Variants in CRACD observed in about 807,000 individuals in gnomAD.
The protein encoded by CRACD is capping protein inhibiting regulator of actin dynamics, also known as capping protein-inhibiting regulator of actin dynamics.
In CRACD, 56 loss-of-function variants were observed where a neutral mutation model predicts 106.8. The ratio of observed to expected loss-of-function variants is 0.52; its 90% CI spans 0.42 to 0.66. CRACD has a LOEUF of 0.66. Ranked by LOEUF, CRACD falls within the 30% of genes least tolerant of loss-of-function variation. The pLI is 0.00. For missense variants in CRACD, 1,730 were observed against 1,623.2 expected (o/e 1.07, Z -1.13); for synonymous variants, 754 against 670.8 (o/e 1.12, Z -1.92).
intron 1 of CRACD, among the ~76,000 whole-genome samples, chr4:56,122,602 T>C (rs894058084): frequency 6.6e-6 from 1 of 152,222 alleles, no homozygotes; most frequent in African/African-American, 2.4e-5. Flanking sequence ...ACTTGTTTCA[T>C]GGATGCACTT....
intron 2 of CRACD, among the ~76,000 whole-genome samples, chr4:56,183,061 C>T (rs1182715591): frequency 5.9e-5 from 9 of 151,448 alleles, no homozygotes; most frequent in African/African-American, 1.7e-4. Flanking sequence ...GGAGAAACCC[C>T]GTCTCTACTA....
At chr4:56,300,366 A>G (rs1744298861) in intron 4 of CRACD, among the ~76,000 whole-genome samples, 1 of 258 alleles carries the variant, frequency 3.9e-3, no homozygotes, top group African/African-American at 0.022. Flanking sequence ...TCCTGCCCTC[A>G]GGGCCAACCC....
chr4:56,294,913 CAAAAA>C (rs56200534), intron 3 of CRACD, among the ~76,000 whole-genome samples: 3 of 72,166 alleles, frequency 4.2e-5, no homozygotes, highest in African/African-American at 6.0e-5. Context: ...GACCTTGTCT[CAAAAA>C]AAAAAAAAAA....
At chr4:56,312,724 G>A (rs997876657) in intron 6 of CRACD, among the ~76,000 whole-genome samples, 4 of 152,098 alleles carry the variant, frequency 2.6e-5, no homozygotes, top group African/African-American at 9.7e-5. Context: ...TAGGCCAGGG[G>A]TCAGCAAACT....
chr4:56,288,442 C>G (rs1351450122), intron 3 of CRACD: 1 of 161,396 alleles, frequency 6.2e-6, no homozygotes, highest in African/African-American at 2.4e-5. Context: ...GTTCCCAAGA[C>G]TTGGTTCCCA....
At chr4:56,116,014 G>C (rs1734263028) in intron 1 of CRACD, among the ~76,000 whole-genome samples, 1 of 152,192 alleles carries the variant, frequency 6.6e-6, no homozygotes, top group Non-Finnish European at 1.5e-5. Flanking sequence ...GGTGTTTGCA[G>C]CTCCTTGTTT....
chr4:56,219,343 C>T (rs190977559), intron 2 of CRACD, among the ~76,000 whole-genome samples: 213 of 152,084 alleles, frequency 1.4e-3, no homozygotes, highest in Non-Finnish European at 2.3e-3. Context: ...AGGTTTTGTT[C>T]GTTTGTTTGT....
At chr4:56,203,695 G>A (rs776179811) in intron 2 of CRACD, among the ~76,000 whole-genome samples, 21 of 152,160 alleles carry the variant, frequency 1.4e-4, no homozygotes, top group Non-Finnish European at 2.9e-4. Context: ...GGAGCCATTT[G>A]TTCAAAAACT....
At chr4:56,205,103 C>G (rs1402214659) in intron 2 of CRACD, among the ~76,000 whole-genome samples, 2 of 152,132 alleles carry the variant, frequency 1.3e-5, no homozygotes, top group African/African-American at 4.8e-5. Flanking sequence ...CTGCAATGAG[C>G]TATGATCACA....
chr4:56,275,589 C>CT (rs1238204736), intron 3 of CRACD, among the ~76,000 whole-genome samples: 2 of 152,316 alleles, frequency 1.3e-5, no homozygotes, highest in Admixed American at 6.5e-5. Flanking sequence ...AACTGAGCTT[C>CT]TAATTATTTG....
At chr4:56,079,922 T>C (rs1277172683) in intron 1 of CRACD, among the ~76,000 whole-genome samples, 2 of 152,198 alleles carry the variant, frequency 1.3e-5, no homozygotes, top group African/African-American at 4.8e-5. Flanking sequence ...GAAGAATGGC[T>C]TGAGGGGGGA....
chr4:56,144,632 C>T (rs1203223689), intron 1 of CRACD, among the ~76,000 whole-genome samples: 1 of 151,122 alleles, frequency 6.6e-6, no homozygotes, highest in East Asian at 1.9e-4. Context: ...TAAAAATTAC[C>T]CATTTTGTGT....
intron 2 of CRACD, among the ~76,000 whole-genome samples, chr4:56,268,628 CA>C (rs1319319658): frequency 6.6e-6 from 1 of 152,178 alleles, no homozygotes; most frequent in Non-Finnish European, 1.5e-5. Context: ...AACTAGAAAT[CA>C]GGCACTGTTT....
At chr4:56,213,181 T>C (rs1738495378) in intron 2 of CRACD, among the ~76,000 whole-genome samples, 1 of 152,150 alleles carries the variant, frequency 6.6e-6, no homozygotes, top group South Asian at 2.1e-4. Context: ...GCACAATAGG[T>C]CACACCTATA....
intron 1 of CRACD, among the ~76,000 whole-genome samples, chr4:56,086,836 C>T (rs1733237294): frequency 6.6e-6 from 1 of 152,078 alleles, no homozygotes; most frequent in African/African-American, 2.4e-5. Flanking sequence ...ATCCTAGAAC[C>T]ACTTTGAACA....
intron 2 of CRACD, among the ~76,000 whole-genome samples, chr4:56,260,877 C>G (rs1741655082): frequency 6.7e-6 from 1 of 148,680 alleles, no homozygotes; most frequent in African/African-American, 2.5e-5. Context: ...ATCTGTCTGT[C>G]TGTGTATCCA....
chr4:56,302,801 A>G (rs1034336848), intron 4 of CRACD, among the ~76,000 whole-genome samples: 4 of 152,248 alleles, frequency 2.6e-5, no homozygotes, highest in African/African-American at 9.6e-5. Context: ...GCTGCAGAAT[A>G]TGGTGTGCTC....
At chr4:56,232,036 G>A (rs1297829905) in intron 2 of CRACD, among the ~76,000 whole-genome samples, 1 of 152,146 alleles carries the variant, frequency 6.6e-6, no homozygotes, top group African/African-American at 2.4e-5. Flanking sequence ...TCCAAACATG[G>A]AGAAAAATGC....
At chr4:56,301,447 GTA>G (rs904141086) in intron 4 of CRACD, among the ~76,000 whole-genome samples, 1 of 152,122 alleles carries the variant, frequency 6.6e-6, no homozygotes, top group Non-Finnish European at 1.5e-5. Context: ...GTGTATGTGT[GTA>G]TGTTTATTTT....
Sources: gnomAD v4.1 joint callset for allele counts (sites outside exome capture counted in the v4.1 genomes callset) on GRCh38, gnomAD v4.1.1 for gene constraint, MANE v1.5 for transcripts, NCBI Gene and HGNC (gene_info 2026-07-23, HGNC 2026-07-21) for gene names.